Variants in RAPGEF5 observed in about 807,000 individuals in gnomAD.
The protein encoded by RAPGEF5 is Rap guanine nucleotide exchange factor 5, also known as M-Ras-regulated GEF.
In RAPGEF5, 65 loss-of-function variants were observed where a neutral mutation model predicts 125.2. That is an observed-to-expected ratio of 0.52 (90% CI 0.43 to 0.64). The LOEUF (loss-of-function observed/expected upper bound fraction) is 0.64, where lower values mean the gene tolerates loss of function less well. Ranked by LOEUF, RAPGEF5 falls within the 30% of genes least tolerant of loss-of-function variation. The pLI is 0.00. For missense variants in RAPGEF5, 958 were observed against 1,048.1 expected (o/e 0.91, Z 1.19); for synonymous variants, 391 against 385.9 (o/e 1.01, Z -0.16).
At position 22,230,846 on chromosome 7, in the gene RAPGEF5, C is replaced by T. The variant is rs1490731573; in HGVS notation, c.870G>A (p.Gln290=). The stretch of plus-strand genomic sequence containing the variant: ...GGGGCTGTCACAGAATTGATCATAC[C>T]TGAGAATCTGGAACACTTTCGGCTT... ...VTEAESVPDS[Q]AGVMCKLQER... The change falls in exon 8 of 26, where the codon CAG becomes CAA. Residue 290 remains glutamine, a splice_region_variant and synonymous_variant. Transcript: ENST00000665637. The T allele has an allele frequency of 6.4e-7, 1 of 1,565,622 alleles. No individual in the cohort carries two copies. The highest frequency in any genetic ancestry group is 8.7e-7 in the Non-Finnish European group (1 of 1,152,970).
chr7:22,224,432 G>A (rs368185765), intron 8 of RAPGEF5, among the ~76,000 whole-genome samples: 7 of 152,128 alleles, frequency 4.6e-5, no homozygotes, highest in Non-Finnish European at 8.8e-5. Context: ...ATTCATGTAC[G>A]TCAACCAGCG....
At chr7:22,308,970 G>A (rs1181650083) in intron 4 of RAPGEF5, among the ~76,000 whole-genome samples, 1 of 152,068 alleles carries the variant, frequency 6.6e-6, no homozygotes, top group African/African-American at 2.4e-5. Flanking sequence ...CATTTTGGGG[G>A]CAGAGCGCTA....
chr7:22,212,589 T>C (rs1015756384), intron 9 of RAPGEF5, among the ~76,000 whole-genome samples: 1 of 152,164 alleles, frequency 6.6e-6, no homozygotes, highest in African/African-American at 2.4e-5. Flanking sequence ...CTTTTTATTT[T>C]TCCAAACCTT....
intron 17 of RAPGEF5, among the ~76,000 whole-genome samples, chr7:22,151,739 C>A (rs1201232914): frequency 6.6e-6 from 1 of 152,286 alleles, no homozygotes; most frequent in East Asian, 1.9e-4. Flanking sequence ...GCTGGAATTA[C>A]AGGTGGCAGC....
At chr7:22,265,880 C>T (rs2128141595) in intron 7 of RAPGEF5, among the ~76,000 whole-genome samples, 1 of 152,252 alleles carries the variant, frequency 6.6e-6, no homozygotes, top group Non-Finnish European at 1.5e-5. Flanking sequence ...AAATATAATG[C>T]TGTTCACTGG....
chr7:22,328,839 T>C (rs1488949831), intron 1 of RAPGEF5, among the ~76,000 whole-genome samples: 1 of 152,194 alleles, frequency 6.6e-6, no homozygotes, highest in African/African-American at 2.4e-5. Context: ...AAAAGCAGGA[T>C]GCTGTGCAGC....
intron 7 of RAPGEF5, among the ~76,000 whole-genome samples, chr7:22,232,484 T>C (rs1305192300): frequency 2.0e-5 from 3 of 151,992 alleles, no homozygotes; most frequent in African/African-American, 4.8e-5. Flanking sequence ...CATGCCCAGA[T>C]AATTTTTGTA....
At chr7:22,250,067 A>G (rs1786580573) in intron 7 of RAPGEF5, among the ~76,000 whole-genome samples, 1 of 152,178 alleles carries the variant, frequency 6.6e-6, no homozygotes, top group African/African-American at 2.4e-5. Context: ...GTATCTATCT[A>G]TCTATGGTTC....
chr7:22,147,712 C>T (rs1247363879), intron 18 of RAPGEF5, among the ~76,000 whole-genome samples: 1 of 152,108 alleles, frequency 6.6e-6, no homozygotes, highest in African/African-American at 2.4e-5. Flanking sequence ...ATCTATTTCA[C>T]CACTAAAGTT....
intron 1 of RAPGEF5, 69 bp downstream of exon 1, chr7:22,356,761 C>CG: frequency 1.1e-6 from 1 of 894,656 alleles, no homozygotes; most frequent in Non-Finnish European, 1.4e-6. Flanking sequence ...CCCTCAGCGG[C>CG]CCGGGGGGTG....
chr7:22,144,621 C>A lies in RAPGEF5; in HGVS notation c.2186+423G>T, dbSNP rs539497949. The stretch of plus-strand genomic sequence containing the variant: ...AGCCAGTGCAGGGCCTTCTAATGAA[C>A]GAGTTCGCAAAAGTTCATACGGTGG... On this transcript the variant is annotated intron_variant, in intron 20 of 25. Coordinates refer to ENST00000665637, the MANE Select transcript of RAPGEF5 (RefSeq NM_012294.5). 5.9e-5 allele frequency among the ~76,000 whole-genome samples: 9 copies of A among 152,278 alleles called. 1 individual carries two copies. In the South Asian group the frequency reaches 1.7e-3, roughly 28 times the overall value.
At chr7:22,256,896 A>G (rs1029452359) in intron 7 of RAPGEF5, among the ~76,000 whole-genome samples, 1 of 152,184 alleles carries the variant, frequency 6.6e-6, no homozygotes, top group African/African-American at 2.4e-5. Flanking sequence ...CACATCCACT[A>G]AGGTTCGCTC....
At chr7:22,325,349 A>G (rs1364444433) in intron 1 of RAPGEF5, among the ~76,000 whole-genome samples, 1 of 152,176 alleles carries the variant, frequency 6.6e-6, no homozygotes, top group African/African-American at 2.4e-5. Flanking sequence ...TATTTCCAAC[A>G]TCACACTGTC....
rs1474125420 is a variant in RAPGEF5 at position 22,121,905 on chromosome 7, AAC to A, written c.*499_*500del. On this transcript the variant is annotated 3_prime_UTR_variant, in exon 26 of 26. Coordinates refer to ENST00000665637, the MANE Select transcript of RAPGEF5 (RefSeq NM_012294.5). ...TTTTGGTGATGTCACAGGTTGTATCAACAGAAACCTCTCCTCCCTGGAGATCT... is the reference window on the plus strand; with the variant it reads ...TTTTGGTGATGTCACAGGTTGTATCAAGAAACCTCTCCTCCCTGGAGATCT... The A allele has an allele frequency of 1.3e-5, 2 of 157,246 alleles. No homozygotes were observed. The highest frequency in any genetic ancestry group is 4.8e-5 in the African/African-American group (2 of 41,558). 9.7% of individuals were successfully genotyped at this position (157,246 alleles called of 1,614,324 possible). A position where few individuals can be genotyped will look rare whatever the true frequency, so the allele number is the denominator to read the frequency against.
chr7:22,331,618 G>A (rs1020640487), intron 1 of RAPGEF5, among the ~76,000 whole-genome samples: 31 of 151,966 alleles, frequency 2.0e-4, no homozygotes, highest in African/African-American at 5.8e-4. Context: ...GGTGGTGGGC[G>A]CCCGTAGTCC....
intron 7 of RAPGEF5, among the ~76,000 whole-genome samples, chr7:22,254,221 CCTCT>C (rs1786694521): frequency 6.6e-6 from 1 of 151,842 alleles, no homozygotes; most frequent in Admixed American, 6.6e-5. Context: ...GGGCTTAAAA[CCTCT>C]AAGTTTTCCA....
chr7:22,125,510 A>C, intron 25 of RAPGEF5, 94 bp downstream of exon 25: 1 of 1,199,064 alleles, frequency 8.3e-7, no homozygotes. Flanking sequence ...ATACTTTTCA[A>C]TCTGTTTAAA....
chr7:22,261,442 T>C (rs1006265665), intron 7 of RAPGEF5, among the ~76,000 whole-genome samples: 4 of 151,336 alleles, frequency 2.6e-5, no homozygotes, highest in East Asian at 1.9e-4. Context: ...CTACCAAAAA[T>C]AAAAAAATAA....
chr7:22,191,050 C>T (rs1562752171), intron 11 of RAPGEF5, among the ~76,000 whole-genome samples: 1 of 152,152 alleles, frequency 6.6e-6, no homozygotes, highest in Non-Finnish European at 1.5e-5. Flanking sequence ...CTCTCTTCAG[C>T]TCCTGCACAC....
Sources: gnomAD v4.1 joint callset for allele counts (sites outside exome capture counted in the v4.1 genomes callset) on GRCh38, gnomAD v4.1.1 for gene constraint, MANE v1.5 for transcripts, NCBI Gene and HGNC (gene_info 2026-07-23, HGNC 2026-07-21) for gene names.